The following XKR4 variants were observed in gnomAD, a reference collection of about 807,000 sequenced individuals.
The protein encoded by XKR4 is XK-related protein 4.
XKR4 carries 12 observed loss-of-function variants against 53.9 expected under a neutral mutation model. The ratio of observed to expected loss-of-function variants is 0.22; its 90% confidence interval spans 0.14 to 0.36. The LOEUF (loss-of-function observed/expected upper bound fraction) is 0.36. Ranked by LOEUF, XKR4 falls within the 10% of genes least tolerant of loss-of-function variation. XKR4 has a pLI of 1.00. For missense variants in XKR4, 799 were observed against 859.5 expected (o/e 0.93, Z 0.88); for synonymous variants, 354 against 362.4 (o/e 0.98, Z 0.26).
chr8:55,174,792 C>T (rs1817209744), intron 1 of XKR4, among the ~76,000 whole-genome samples: 1 of 152,156 alleles, frequency 6.6e-6, no homozygotes, highest in South Asian at 2.1e-4. Context: ...GTTTGTCATT[C>T]AAGAGGCTTA....
At position 55,434,410 on chromosome 8, in the gene XKR4, CGTGTGT is replaced by C. The variant is rs10598891; in HGVS notation, c.1006+76560_1006+76565del. Reference sequence around the variant, plus strand: ...TTGATTGTTCTTACTTGATACCAATCGTGTGTGTGTGTGTGTGTGTGTGTGTGTGTG... The same window carrying C: ...TTGATTGTTCTTACTTGATACCAATCGTGTGTGTGTGTGTGTGTGTGTGTG... On this transcript the variant is annotated intron_variant, in intron 2 of 2. Coordinates refer to ENST00000327381, the MANE Select transcript of XKR4 (RefSeq NM_052898.2). Among the ~76,000 whole-genome samples the C allele has an allele frequency of 1.8e-3, 268 of 148,242 alleles. 6 individuals are homozygous for C. In the East Asian group the frequency reaches 0.047, roughly 26 times the overall value.
chr8:55,464,547 T>C (rs1378337479), intron 2 of XKR4, among the ~76,000 whole-genome samples: 3 of 152,054 alleles, frequency 2.0e-5, no homozygotes, highest in African/African-American at 7.3e-5. Context: ...ACTGGAAGCA[T>C]TGAAACTTGT....
chr8:55,265,114 C>T (rs979545932), intron 1 of XKR4, among the ~76,000 whole-genome samples: 7 of 152,190 alleles, frequency 4.6e-5, no homozygotes, highest in Non-Finnish European at 7.3e-5. Context: ...CCACCCTTAT[C>T]CTGTCAAGGA....
chr8:55,352,684 G>A (rs934017888), intron 1 of XKR4, among the ~76,000 whole-genome samples: 1 of 152,124 alleles, frequency 6.6e-6, no homozygotes, highest in African/African-American at 2.4e-5. Flanking sequence ...TAATTCTCAG[G>A]TCAACCTATG....
chr8:55,399,505 G>A (rs1804568626), intron 2 of XKR4, among the ~76,000 whole-genome samples: 1 of 152,126 alleles, frequency 6.6e-6, no homozygotes, highest in African/African-American at 2.4e-5. Flanking sequence ...AACCTTTCTT[G>A]CTGTTTCTCT....
chr8:55,350,884 C>T (rs560660210), intron 1 of XKR4, among the ~76,000 whole-genome samples: 2 of 151,830 alleles, frequency 1.3e-5, no homozygotes, highest in African/African-American at 2.4e-5. Context: ...GGATTACATG[C>T]GTGCGCCACC....
chr8:55,293,972 C>T (rs565177098), intron 1 of XKR4, among the ~76,000 whole-genome samples: 4 of 152,316 alleles, frequency 2.6e-5, no homozygotes, highest in East Asian at 3.9e-4. Flanking sequence ...TTAACATCTA[C>T]GTTTTGATAT....
Position 55,172,708 on chromosome 8 carries a change from A to G in XKR4, c.806+69414A>G, listed in dbSNP as rs143389961. 5.9e-5 allele frequency among the ~76,000 whole-genome samples: 9 copies of G among 152,360 alleles called. No homozygotes were observed. The South Asian group carries it at 1.0e-3, about 18-fold the overall frequency. On this transcript the variant is annotated intron_variant, in intron 1 of 2. Transcript: ENST00000327381. ...GTTTACAGTCTGTCTGTTCATACAG[A>G]CAAAAAAGAAATGTTCTTGCATGAT...
intron 1 of XKR4, among the ~76,000 whole-genome samples, chr8:55,355,091 A>C (rs373057126): frequency 5.9e-5 from 9 of 151,896 alleles, no homozygotes; most frequent in Admixed American, 3.9e-4. Context: ...TTTAGTAGAG[A>C]GGGGGTTTCA....
rs192279679 is a variant in XKR4 at position 55,353,120 on chromosome 8, G to C, written c.807-4558G>C. 3.7e-3 allele frequency among the ~76,000 whole-genome samples: 560 copies of C among 152,292 alleles called. 8 individuals are homozygous for C. The highest frequency in any genetic ancestry group is 0.013 in the African/African-American group (541 of 41,566). On this transcript the variant is annotated intron_variant, in intron 1 of 2. Coordinates refer to ENST00000327381, the MANE Select transcript of XKR4 (RefSeq NM_052898.2). Reference sequence around the variant, plus strand: ...GCAGACTTGGAAATCATTAAACAGGGGAGGAGAAGTCATGGAGTGAACAAG... The same window carrying C: ...GCAGACTTGGAAATCATTAAACAGGCGAGGAGAAGTCATGGAGTGAACAAG...
intron 1 of XKR4, among the ~76,000 whole-genome samples, chr8:55,274,621 C>CG (rs1585980805): frequency 6.6e-6 from 1 of 151,986 alleles, no homozygotes; most frequent in South Asian, 2.1e-4. Context: ...TCAGTAGAGA[C>CG]GGGGTCTCAC....
chr8:55,262,113 GAATATAGATGTA>G (rs1376097725), intron 1 of XKR4, among the ~76,000 whole-genome samples: 1 of 152,080 alleles, frequency 6.6e-6, no homozygotes, highest in Non-Finnish European at 1.5e-5. Context: ...TAATAATGGA[GAATATAGATGTA>G]AATATTTTAT....
chr8:55,389,976 T>C (rs1804420435), intron 2 of XKR4, among the ~76,000 whole-genome samples: 1 of 152,120 alleles, frequency 6.6e-6, no homozygotes, highest in Non-Finnish European at 1.5e-5. Flanking sequence ...CTAATTGTTA[T>C]ATGGATGTTG....
At chr8:55,185,075 G>C (rs902110185) in intron 1 of XKR4, among the ~76,000 whole-genome samples, 1 of 152,116 alleles carries the variant, frequency 6.6e-6, no homozygotes, top group African/African-American at 2.4e-5. Context: ...AATAGTTTCT[G>C]CACATAAACT....
rs1438280311 is a variant in XKR4 at position 55,529,960 on chromosome 8, T to A, written c.*5733T>A. The A allele has an allele frequency of 2.0e-5, 3 of 152,222 alleles. No homozygotes were observed. Among genetic ancestry groups the A allele is most frequent in the African/African-American group, 7.2e-5 (3 of 41,458 alleles). 9.4% of individuals were successfully genotyped at this position (152,222 alleles called of 1,614,324 possible). A position where few individuals can be genotyped will look rare whatever the true frequency, so the allele number is the denominator to read the frequency against. On this transcript the variant is annotated 3_prime_UTR_variant, in exon 3 of 3. Transcript: ENST00000327381. ...CTGTCCCCCTCCTATGGCTCCACTA[T>A]GTATTCAATTAAGTGATAAATATAA...
At chr8:55,442,416 GT>G (rs1805283984) in intron 2 of XKR4, among the ~76,000 whole-genome samples, 1 of 152,212 alleles carries the variant, frequency 6.6e-6, no homozygotes, top group Non-Finnish European at 1.5e-5. Context: ...TTGGAAAACA[GT>G]TTGAAACACA....
At chr8:55,159,047 G>A (rs912334598) in intron 1 of XKR4, among the ~76,000 whole-genome samples, 1 of 152,108 alleles carries the variant, frequency 6.6e-6, no homozygotes, top group Non-Finnish European at 1.5e-5. Context: ...GGAATAGCAT[G>A]GATCTGTAAG....
chr8:55,227,916 T>G (rs1039184191), intron 1 of XKR4, among the ~76,000 whole-genome samples: 1 of 152,202 alleles, frequency 6.6e-6, no homozygotes, highest in African/African-American at 2.4e-5. Context: ...TTGTTTTTTG[T>G]GTTTTTTTGA....
rs1242245232 is a variant in XKR4 at position 55,434,414 on chromosome 8, T to G, written c.1006+76537T>G. Among the ~76,000 whole-genome samples, 3 of 148,806 alleles carry G rather than the reference T, an allele frequency of 2.0e-5. No individual in the cohort carries two copies. In the East Asian group the frequency reaches 6.6e-4, roughly 33 times the overall value. On this transcript the variant is annotated intron_variant, in intron 2 of 2. Coordinates refer to ENST00000327381, the MANE Select transcript of XKR4 (RefSeq NM_052898.2). ...TTGTTCTTACTTGATACCAATCGTGTGTGTGTGTGTGTGTGTGTGTGTGTG... is the reference window on the plus strand; with the variant it reads ...TTGTTCTTACTTGATACCAATCGTGGGTGTGTGTGTGTGTGTGTGTGTGTG...
Sources: allele counts gnomAD v4.1 joint callset (sites outside exome capture counted in the v4.1 genomes callset), GRCh38; gene constraint gnomAD v4.1.1; transcripts MANE v1.5; gene names NCBI Gene and HGNC (gene_info 2026-07-23, HGNC 2026-07-21).